LRP1B: variants seen among roughly 807,000 people sequenced by gnomAD.
LRP1B encodes the protein low-density lipoprotein receptor-related protein 1B.
Under a neutral mutation model 556.6 loss-of-function variants are expected in LRP1B, and 217 were observed. The ratio of observed to expected loss-of-function variants is 0.39; its 90% confidence interval spans 0.35 to 0.44. The LOEUF (loss-of-function observed/expected upper bound fraction) is 0.44. Ranked by LOEUF, LRP1B falls within the 20% of genes least tolerant of loss-of-function variation. The probability of loss-of-function intolerance (pLI) is 1.00; values close to 1 mark genes in which losing one functional copy is unlikely to be tolerated. For missense variants in LRP1B, 5,053 were observed against 5,620.8 expected, an observed-to-expected ratio of 0.90 and a Z score of 3.23; for synonymous variants, 2,047 against 1,865.8, an observed-to-expected ratio of 1.10 and a Z score of -2.50.
At chr2:141,612,735 C>T (rs914950081) in intron 2 of LRP1B, among the ~76,000 whole-genome samples, 13 of 152,122 alleles carry the variant, frequency 8.5e-5, no homozygotes, top group Admixed American at 6.5e-5. Flanking sequence ...CAGTAAATTC[C>T]CTTTCGCCTT....
At chr2:140,279,305 G>C (rs997699595) in intron 84 of LRP1B, among the ~76,000 whole-genome samples, 1 of 151,962 alleles carries the variant, frequency 6.6e-6, no homozygotes, top group Non-Finnish European at 1.5e-5. Flanking sequence ...CACGGTGCAT[G>C]CTATGTGCAA....
intron 63 of LRP1B, among the ~76,000 whole-genome samples, chr2:140,444,992 T>C (rs2105305833): frequency 6.6e-6 from 1 of 152,298 alleles, no homozygotes; most frequent in South Asian, 2.1e-4. Flanking sequence ...AGAGGTTAAG[T>C]TGCAGAATGA....
intron 2 of LRP1B, among the ~76,000 whole-genome samples, chr2:141,592,253 T>C (rs535245841): frequency 6.6e-6 from 1 of 152,280 alleles, no homozygotes; most frequent in Non-Finnish European, 1.5e-5. Flanking sequence ...CAAAATACTA[T>C]CAACTAGATA....
intron 1 of LRP1B, among the ~76,000 whole-genome samples, chr2:142,072,500 C>T (rs1705355455): frequency 6.6e-6 from 1 of 151,998 alleles, no homozygotes; most frequent in African/African-American, 2.4e-5. Context: ...GTTTGTCCAA[C>T]CCCCGGCCCA....
At chr2:142,037,813 G>C (rs1703937333) in intron 1 of LRP1B, among the ~76,000 whole-genome samples, 1 of 151,350 alleles carries the variant, frequency 6.6e-6, no homozygotes, top group African/African-American at 2.4e-5. Context: ...TTTTTTTTAA[G>C]AGCTGTGCAG....
At chr2:141,606,295 G>A (rs1009086241) in intron 2 of LRP1B, among the ~76,000 whole-genome samples, 1 of 152,174 alleles carries the variant, frequency 6.6e-6, no homozygotes, top group South Asian at 2.1e-4. Flanking sequence ...TGAAGTAACA[G>A]GTAAAAATGT....
At chr2:140,457,251 C>T (rs16843995) in intron 61 of LRP1B, among the ~76,000 whole-genome samples, 1 of 152,108 alleles carries the variant, frequency 6.6e-6, no homozygotes, top group Non-Finnish European at 1.5e-5. Context: ...TTGAACAAAT[C>T]CATAATTCTT....
chr2:141,331,522 C>CTTTCTTTCTTTCTTTCTT (rs10694161), intron 3 of LRP1B, among the ~76,000 whole-genome samples: 1,632 of 140,800 alleles, frequency 0.012, 27 homozygotes, highest in Middle Eastern at 0.029. Flanking sequence ...TTCTTTCTTT[C>CTTTCTTTCTTTCTTTCTT]TCTTTCTTTC....
chr2:141,036,446 G>A (rs1698534507), intron 11 of LRP1B, among the ~76,000 whole-genome samples: 1 of 151,884 alleles, frequency 6.6e-6, no homozygotes, highest in African/African-American at 2.4e-5. Flanking sequence ...CTGATACAAA[G>A]GAAAACTCCT....
intron 3 of LRP1B, among the ~76,000 whole-genome samples, chr2:141,261,821 G>T (rs1395239394): frequency 2.0e-5 from 3 of 152,012 alleles, no homozygotes; most frequent in African/African-American, 7.2e-5. Context: ...TTTCCAGTTT[G>T]GAGTTACTAT....
At chr2:141,124,933 A>G (rs1701164006) in intron 7 of LRP1B, among the ~76,000 whole-genome samples, 1 of 152,112 alleles carries the variant, frequency 6.6e-6, no homozygotes, top group Non-Finnish European at 1.5e-5. Context: ...TGGACCACTA[A>G]CCTTCCACCT....
At chr2:141,460,367 A>G (rs1681816076) in intron 3 of LRP1B, among the ~76,000 whole-genome samples, 1 of 152,188 alleles carries the variant, frequency 6.6e-6, no homozygotes, top group African/African-American at 2.4e-5. Context: ...CCCTGATATA[A>G]TTAAAAAATA....
intron 84 of LRP1B, among the ~76,000 whole-genome samples, chr2:140,293,408 C>T (rs1232059705): frequency 6.6e-6 from 1 of 152,142 alleles, no homozygotes; most frequent in Non-Finnish European, 1.5e-5. Flanking sequence ...CTTGATTTTA[C>T]TTTTACCATT....
chr2:141,473,804 G>T (rs1682570881), intron 3 of LRP1B, among the ~76,000 whole-genome samples: 1 of 130,484 alleles, frequency 7.7e-6, no homozygotes, highest in Admixed American at 7.7e-5. Context: ...CTATAACATT[G>T]CAAGTGTTAT....
At chr2:140,686,065 G>A (rs1686038202) in intron 41 of LRP1B, among the ~76,000 whole-genome samples, 1 of 152,104 alleles carries the variant, frequency 6.6e-6, no homozygotes, top group Admixed American at 6.6e-5. Context: ...CACTGGGAAG[G>A]CCATAAAGTC....
At chr2:141,531,334 G>GT (rs1684864673) in intron 2 of LRP1B, among the ~76,000 whole-genome samples, 1 of 151,990 alleles carries the variant, frequency 6.6e-6, no homozygotes, top group African/African-American at 2.4e-5. Context: ...CCTGAAAGCC[G>GT]TATGTCTATT....
At chr2:140,530,845 T>G (rs1690661029) in intron 47 of LRP1B, among the ~76,000 whole-genome samples, 1 of 152,150 alleles carries the variant, frequency 6.6e-6, no homozygotes, top group African/African-American at 2.4e-5. Flanking sequence ...GCAAAGGCAC[T>G]GTTCTGCGCC....
At chr2:140,956,335 T>C (rs188050632) in intron 18 of LRP1B, among the ~76,000 whole-genome samples, 4 of 151,908 alleles carry the variant, frequency 2.6e-5, no homozygotes, top group Admixed American at 2.0e-4. Flanking sequence ...TTTTTCACTA[T>C]ACCATGCTGA....
In LRP1B at chr2:141,393,658, G is replaced by A. The variant is rs151278017; in HGVS notation, c.343+86738C>T. Among the ~76,000 whole-genome samples, 16 of 152,094 alleles carry A rather than the reference G, an allele frequency of 1.1e-4. No individual in the cohort carries two copies. The East Asian group carries it at 2.5e-3, about 24-fold the overall frequency. ...AGTGAGCTCAGGCTTGGACTGGGTC[G>A]GCTAAGAAATAAAAACAAATTTAAC... On this transcript the variant is annotated intron_variant, in intron 3 of 90. Coordinates refer to ENST00000389484, the MANE Select transcript of LRP1B (RefSeq NM_018557.3).
Sources: gnomAD v4.1 joint callset for allele counts (sites outside exome capture counted in the v4.1 genomes callset) on GRCh38, gnomAD v4.1.1 for gene constraint, MANE v1.5 for transcripts, NCBI Gene and HGNC (gene_info 2026-07-23, HGNC 2026-07-21) for gene names.